The following C1GALT1 variants were observed in gnomAD, a reference collection of about 807,000 sequenced individuals.
C1GALT1 encodes core 1 synthase, glycoprotein-N-acetylgalactosamine 3-beta-galactosyltransferase 1, also known as glycoprotein-N-acetylgalactosamine 3-beta-galactosyltransferase 1.
In C1GALT1, 11 loss-of-function variants were observed where a neutral mutation model predicts 31.0. That is an observed-to-expected ratio of 0.36 (90% CI 0.22 to 0.59). The LOEUF (loss-of-function observed/expected upper bound fraction) is 0.59. Ranked by LOEUF, C1GALT1 falls within the 20% of genes least tolerant of loss-of-function variation. The pLI is 0.79. For missense variants in C1GALT1, 424 were observed against 425.2 expected (o/e 1.00, Z 0.03); for synonymous variants, 175 against 143.6 (o/e 1.22, Z -1.56).
chr7:7,231,777 C>G (rs1371069640), intron 1 of C1GALT1, among the ~76,000 whole-genome samples: 3 of 150,910 alleles, frequency 2.0e-5, no homozygotes, highest in Middle Eastern at 3.4e-3. Context: ...AAATTTTGTC[C>G]ATGTTGTATA....
intron 2 of C1GALT1, among the ~76,000 whole-genome samples, chr7:7,177,045 T>C (rs1307731350): frequency 6.6e-6 from 1 of 152,200 alleles, no homozygotes; most frequent in Non-Finnish European, 1.5e-5. Context: ...TCAGGGATCA[T>C]CCACAACAAC....
At chr7:7,178,692 A>G (rs1033466869), upstream of C1GALT1, among the ~76,000 whole-genome samples, 6 of 152,172 alleles carry the variant, frequency 3.9e-5, no homozygotes, top group East Asian at 3.9e-4. Flanking sequence ...CTAACATTGT[A>G]TGCTACCTAC....
Position 7,193,931 on chromosome 7 carries a change from C to A in C1GALT1, c.-18+11111C>A, listed in dbSNP as rs115147488. 3.0e-3 allele frequency among the ~76,000 whole-genome samples: 454 copies of A among 150,264 alleles called. 4 individuals are homozygous for A. Among genetic ancestry groups the A allele is most frequent in the African/African-American group, 0.011 (431 of 40,972 alleles). On this transcript the variant is annotated intron_variant, in intron 1 of 3. Coordinates refer to ENST00000436587, the MANE Select transcript of C1GALT1 (RefSeq NM_020156.5). ...TCCTAAGTATTTTATTTTTTTTTTG[C>A]AGACATAGTAAAAGAGTTTGAGTTC...
Position 7,238,032 on chromosome 7 carries a change from C to T in C1GALT1, c.221-223C>T, listed in dbSNP as rs780881374. Among the ~76,000 whole-genome samples the T allele has an allele frequency of 2.0e-5, 3 of 152,122 alleles. No individual in the cohort carries two copies. The highest frequency in any genetic ancestry group is 4.4e-5 in the Non-Finnish European group (3 of 68,026). ...TTGAGACGAATTTAGATTATAATGT[C>T]AACTCTTACTAGCTCCAGTGATGTC... On this transcript the variant is annotated intron_variant, in intron 2 of 3. Coordinates refer to ENST00000436587, the MANE Select transcript of C1GALT1 (RefSeq NM_020156.5). This position sits in a 1 kb window ranked among gnomAD's most constrained non-coding sequence, Gnocchi z 5.2.
chr7:7,192,423 A>C (rs1441244580), intron 1 of C1GALT1, among the ~76,000 whole-genome samples: 1 of 152,154 alleles, frequency 6.6e-6, no homozygotes, highest in Non-Finnish European at 1.5e-5. Flanking sequence ...TACTTTACTT[A>C]GAATAATGGT....
chr7:7,218,469 TGGAA>T (rs1782352902), intron 1 of C1GALT1, among the ~76,000 whole-genome samples: 1 of 151,988 alleles, frequency 6.6e-6, no homozygotes, highest in South Asian at 2.1e-4. Flanking sequence ...GAACAAATAA[TGGAA>T]GGAGAAAAGT....
At chr7:7,202,071 C>G (rs918679329) in intron 1 of C1GALT1, among the ~76,000 whole-genome samples, 7 of 152,164 alleles carry the variant, frequency 4.6e-5, no homozygotes, top group Non-Finnish European at 4.4e-5. Context: ...CTAAATTAAT[C>G]TCAGCTCCAG....
chr7:7,160,663 G>A (rs1451503806), intron 2 of C1GALT1, among the ~76,000 whole-genome samples: 1 of 152,134 alleles, frequency 6.6e-6, no homozygotes, highest in Non-Finnish European at 1.5e-5. Context: ...TGGTTCCAAA[G>A]GATGGACACA....
In C1GALT1 at chr7:7,234,438, ATGTT is replaced by A; in HGVS notation, c.120_123del (p.Val41PhefsTer18). On this transcript the variant is annotated frameshift_variant, in exon 2 of 4. Coordinates refer to ENST00000436587, the MANE Select transcript of C1GALT1 (RefSeq NM_020156.5). LOFTEE classifies it high-confidence loss of function. ...GGAGAAAAGGTTGACACCCAGCCTA[ATGTT>A]CTTCATAATGATCCTCATGCAAGGC... is the stretch of plus-strand genomic sequence containing the variant. The A allele has an allele frequency of 6.2e-7, 1 of 1,613,932 alleles. No homozygotes were observed. The highest frequency in any genetic ancestry group is 8.5e-7 in the Non-Finnish European group (1 of 1,179,860).
intron 1 of C1GALT1, among the ~76,000 whole-genome samples, chr7:7,217,147 A>G (rs1782282994): frequency 6.6e-6 from 1 of 152,132 alleles, no homozygotes; most frequent in African/African-American, 2.4e-5. Flanking sequence ...CCAAAATGAT[A>G]ATGGTTCTGA....
rs564115524 is a variant in C1GALT1, at chr7:7,238,035, C to T, written c.221-220C>T. ...AGACGAATTTAGATTATAATGTCAA[C>T]TCTTACTAGCTCCAGTGATGTCCTA... is the stretch of plus-strand genomic sequence containing the variant. On this transcript the variant is annotated intron_variant, in intron 2 of 3. Transcript: ENST00000436587. The surrounding 1 kb of genome is among the most constrained non-coding windows in gnomAD (Gnocchi z 5.2). 1.3e-5 allele frequency among the ~76,000 whole-genome samples: 2 copies of T among 152,264 alleles called. No individual in the cohort carries two copies. The highest frequency in any genetic ancestry group is 4.8e-5 in the African/African-American group (2 of 41,562).
chr7:7,194,583 G>C (rs185019082), intron 1 of C1GALT1, among the ~76,000 whole-genome samples: 6 of 152,110 alleles, frequency 3.9e-5, no homozygotes, highest in African/African-American at 1.4e-4. Context: ...CTAGTATTTT[G>C]TTGAGGATTT....
chr7:7,208,427 G>A (rs533938747), intron 1 of C1GALT1, among the ~76,000 whole-genome samples: 1 of 152,200 alleles, frequency 6.6e-6, no homozygotes, highest in African/African-American at 2.4e-5. Context: ...CATCCACTGG[G>A]GTTCTGGGAA....
intron 1 of C1GALT1, among the ~76,000 whole-genome samples, chr7:7,195,466 T>G (rs1217681917): frequency 6.6e-6 from 1 of 152,210 alleles, no homozygotes; most frequent in Admixed American, 6.5e-5. Context: ...TTAATTTCCA[T>G]GTATTTACAT....
chr7:7,241,257 A>G (rs1235672751), intron 3 of C1GALT1, among the ~76,000 whole-genome samples: 2 of 151,994 alleles, frequency 1.3e-5, no homozygotes, highest in Non-Finnish European at 2.9e-5. Flanking sequence ...ATTGTTAACT[A>G]ATTATTCTAC....
chr7:7,228,593 T>C (rs1037644350), intron 1 of C1GALT1, among the ~76,000 whole-genome samples: 3 of 151,928 alleles, frequency 2.0e-5, no homozygotes, highest in Non-Finnish European at 4.4e-5. Context: ...ATGGCTATTT[T>C]ATCCCAGGAG....
At chr7:7,173,475 A>G (rs1404511551) in intron 2 of C1GALT1, among the ~76,000 whole-genome samples, 4 of 152,206 alleles carry the variant, frequency 2.6e-5, no homozygotes, top group Non-Finnish European at 5.9e-5. Context: ...GATTAACACA[A>G]GGTTCAACCA....
chr7:7,226,323 C>G (rs1195109528), intron 1 of C1GALT1, among the ~76,000 whole-genome samples: 1 of 151,712 alleles, frequency 6.6e-6, no homozygotes, highest in Non-Finnish European at 1.5e-5. Flanking sequence ...ATTAGAAGTA[C>G]CTGATTGTCA....
At chr7:7,237,665 G>A (rs150026623) in intron 2 of C1GALT1, among the ~76,000 whole-genome samples, 1 of 152,174 alleles carries the variant, frequency 6.6e-6, no homozygotes, top group Non-Finnish European at 1.5e-5. Context: ...CTCAACTCCT[G>A]TGCTTTGACC....
Sources: allele counts gnomAD v4.1 joint callset (sites outside exome capture counted in the v4.1 genomes callset), GRCh38; gene constraint gnomAD v4.1.1; non-coding constraint Gnocchi (gnomAD v3.1); transcripts MANE v1.5; gene names NCBI Gene and HGNC (gene_info 2026-07-23, HGNC 2026-07-21).